LRTM3: variants seen among roughly 807,000 people sequenced by gnomAD.
LRTM3 encodes leucine-rich repeat transmembrane protein 3.
the LRTM3 span, among the ~76,000 whole-genome samples, chr13:102,755,927 G>GTA: frequency 1.3e-4 from 14 of 111,684 alleles, no homozygotes; most frequent in Admixed American, 4.3e-4. Flanking sequence ...GTGTGTGTGT[G>GTA]TGTGTATATA....
At chr13:102,744,440 G>T in the LRTM3 span, 6 of 1,549,854 alleles carry the variant, frequency 3.9e-6, no homozygotes, top group Non-Finnish European at 5.2e-6. Flanking sequence ...ACCAATCTTT[G>T]ATTTCCCTGT....
At chr13:102,732,629 T>C in the LRTM3 span, 1 of 1,551,202 alleles carries the variant, frequency 6.4e-7, no homozygotes, top group Non-Finnish European at 8.7e-7. Flanking sequence ...AGTGATGACT[T>C]GAGTCTTCAT....
chr13:102,730,498 A>C, the LRTM3 span: 2 of 1,551,514 alleles, frequency 1.3e-6, no homozygotes, highest in South Asian at 1.2e-5. Flanking sequence ...GAAACCATAC[A>C]TGATATTGTT....
chr13:102,742,451 G>T, the LRTM3 span: 1 of 1,548,372 alleles, frequency 6.5e-7, no homozygotes, highest in Non-Finnish European at 8.7e-7. Flanking sequence ...CTTGGGATCT[G>T]CCCTTGTTTT....
chr13:102,746,602 T>C, the LRTM3 span: 1 of 1,551,048 alleles, frequency 6.4e-7, no homozygotes, highest in South Asian at 1.2e-5. Flanking sequence ...TATTTACACA[T>C]TTGGGCTTCG....
At chr13:102,736,826 G>T in the LRTM3 span, 3 of 1,551,074 alleles carry the variant, frequency 1.9e-6, no homozygotes, top group South Asian at 3.6e-5. Flanking sequence ...TGTTCTGTTT[G>T]AATCACCTGT....
chr13:102,757,431 T>C, the LRTM3 span, among the ~76,000 whole-genome samples: 1 of 152,216 alleles, frequency 6.6e-6, no homozygotes, highest in Admixed American at 6.5e-5. Context: ...GTAGTGGTTA[T>C]TATCTACAGA....
the LRTM3 span, chr13:102,738,198 CT>C: frequency 6.4e-7 from 1 of 1,550,762 alleles, no homozygotes. Context: ...TGCATTATGT[CT>C]TTCTTAGCTG....
chr13:102,732,870 T>G, the LRTM3 span: 1 of 1,551,476 alleles, frequency 6.4e-7, no homozygotes, highest in African/African-American at 1.4e-5. Flanking sequence ...ATATTGGTGT[T>G]TGCGTCTGTT....
At chr13:102,733,407 G>C in the LRTM3 span, 1 of 1,551,268 alleles carries the variant, frequency 6.4e-7, no homozygotes. Flanking sequence ...GAAGTTTCTT[G>C]CTGGTGAGCG....
the LRTM3 span, chr13:102,744,656 T>A: frequency 6.4e-7 from 1 of 1,550,900 alleles, no homozygotes; most frequent in Non-Finnish European, 8.7e-7. Context: ...AGGGTCAGGA[T>A]CTTTCATTTG....
chr13:102,738,425 A>C, the LRTM3 span: 1 of 1,550,842 alleles, frequency 6.4e-7, no homozygotes, highest in African/African-American at 1.4e-5. Flanking sequence ...AGGAGAAGGA[A>C]TGGAAGCGCA....
the LRTM3 span, chr13:102,737,813 A>T: frequency 6.4e-7 from 1 of 1,550,808 alleles, no homozygotes; most frequent in South Asian, 1.2e-5. Flanking sequence ...AGGTCTGATT[A>T]TTCCTTGTTG....
the LRTM3 span, among the ~76,000 whole-genome samples, chr13:102,750,872 C>T: frequency 3.2e-3 from 480 of 152,292 alleles, 3 homozygotes; most frequent in African/African-American, 0.011. Context: ...GGAAGCACGT[C>T]TCAGTACAAT....
the LRTM3 span, chr13:102,734,432 A>G: frequency 2.3e-5 from 36 of 1,551,234 alleles, no homozygotes; most frequent in African/African-American, 6.8e-5. Context: ...TCTTTGAATC[A>G]TACCTGGTGG....
the LRTM3 span, chr13:102,741,212 G>A: frequency 6.5e-6 from 10 of 1,549,910 alleles, no homozygotes; most frequent in Admixed American, 3.9e-5. Flanking sequence ...TGATTTTAAT[G>A]TAATATCCAA....
chr13:102,741,988 A>G, the LRTM3 span: 30 of 1,550,476 alleles, frequency 1.9e-5, no homozygotes, highest in Non-Finnish European at 2.6e-5. Flanking sequence ...TGCTGGACAT[A>G]TCAGTACAAC....
the LRTM3 span, chr13:102,758,971 G>GACATTAAAATGTCA: frequency 8.1e-7 from 1 of 1,233,814 alleles, no homozygotes; most frequent in Non-Finnish European, 1.1e-6. Flanking sequence ...GTCTCATTCA[G>GACATTAAAATGTCA]AAGTCCTTGA....
At chr13:102,748,464 A>G in the LRTM3 span, 1 of 1,551,204 alleles carries the variant, frequency 6.4e-7, no homozygotes, top group Non-Finnish European at 8.7e-7. Flanking sequence ...CTTGGAAAGC[A>G]CCTTTGCGTT....
Sources: allele counts gnomAD v4.1 joint callset (sites outside exome capture counted in the v4.1 genomes callset), GRCh38; gene constraint gnomAD v4.1.1; transcripts MANE v1.5; gene names NCBI Gene and HGNC (gene_info 2026-07-23, HGNC 2026-07-21).